The following PRKDC variants were observed in gnomAD, a reference collection of about 807,000 sequenced individuals.
The protein encoded by PRKDC is DNA-dependent protein kinase catalytic subunit.
Under a neutral mutation model 486.9 loss-of-function variants are expected in PRKDC, and 82 were observed. The observed-to-expected ratio is 0.17, with a 90% CI of 0.14 to 0.20. The LOEUF is 0.20. PRKDC is among the 10% of genes least tolerant of loss of function. PRKDC has a pLI of 1.00. For synonymous variants in PRKDC, 1,895 were observed against 1,837.0 expected, an observed-to-expected ratio of 1.03 and a Z score of -0.81; for missense variants, 4,504 against 5,038.2, an observed-to-expected ratio of 0.89 and a Z score of 3.21.
At chr8:47,785,011 A>G in intron 77 of PRKDC, 102 bp downstream of exon 77, 1 of 1,128,578 alleles carries the variant, frequency 8.9e-7, no homozygotes, top group Non-Finnish European at 1.3e-6. Flanking sequence ...AAAAAGAAAT[A>G]ACTGTCAATA....
At chr8:47,842,317 A>G (rs898738205) in intron 54 of PRKDC, among the ~76,000 whole-genome samples, 3 of 152,294 alleles carry the variant, frequency 2.0e-5, no homozygotes, top group East Asian at 1.9e-4. Flanking sequence ...CTAAGAGTCT[A>G]TCTGCTAGCC....
At chr8:47,776,067 A>G (rs930656541) in intron 85 of PRKDC, among the ~76,000 whole-genome samples, 1 of 152,068 alleles carries the variant, frequency 6.6e-6, no homozygotes, top group African/African-American at 2.4e-5. Flanking sequence ...CAAGTGATCC[A>G]CTAGCCTTGG....
chr8:47,864,914 A>T (rs528800198), intron 40 of PRKDC, 151 bp from the exon 41 acceptor site: 1 of 622,184 alleles, frequency 1.6e-6, no homozygotes, highest in Non-Finnish European at 2.5e-6. Flanking sequence ...CACAAAACAC[A>T]AAAAGCATTT....
chr8:47,790,458 A>C (rs1477038058), intron 74 of PRKDC, among the ~76,000 whole-genome samples: 5 of 152,236 alleles, frequency 3.3e-5, no homozygotes, highest in African/African-American at 9.6e-5. Context: ...GGAAGAATCA[A>C]TACTGTTAAA....
chr8:47,908,834 G>A (rs1186817033), intron 25 of PRKDC, among the ~76,000 whole-genome samples: 1 of 152,144 alleles, frequency 6.6e-6, no homozygotes, highest in Non-Finnish European at 1.5e-5. Flanking sequence ...ACATTTTTCT[G>A]TAATTTATTT....
In PRKDC at chr8:47,935,741, T is replaced by A. The variant is rs375429075; in HGVS notation, c.1438A>T (p.Ser480Cys). Residue 480 changes from serine (S) to cysteine (C), a missense_variant, in exon 13 of 86, where the codon AGT (serine) becomes TGT (cysteine). This residue lies in a region of PRKDC where 1,969 missense variants were observed against 2,068.9 expected (regional missense o/e 0.95). Transcript: ENST00000314191. ...TAAATTGCAAACTTACCCACAGTACTAATGCAATTCCTGAGAACTGGCCCT... is the reference window on the plus strand; with the variant it reads ...TAAATTGCAAACTTACCCACAGTACAAATGCAATTCCTGAGAACTGGCCCT... ...AKGPVLRNCI[S>C]TVVHQGLIRI... 13 of 1,613,842 alleles carry A rather than the reference T, an allele frequency of 8.1e-6. No homozygotes were observed. In the African/African-American group the frequency reaches 1.3e-4, roughly 17 times the overall value.
At chr8:47,819,065 G>T (rs964742949) in intron 67 of PRKDC, among the ~76,000 whole-genome samples, 1 of 152,150 alleles carries the variant, frequency 6.6e-6, no homozygotes, top group African/African-American at 2.4e-5. Flanking sequence ...CCACTGCTCA[G>T]GACCCTCCTC....
intron 40 of PRKDC, among the ~76,000 whole-genome samples, chr8:47,868,184 G>A (rs747995202): frequency 3.3e-5 from 5 of 151,954 alleles, no homozygotes; most frequent in Non-Finnish European, 5.9e-5. Context: ...CTTGTTACTC[G>A]CCTCACAAAA....
At chr8:47,921,915 G>A (rs1236247494) in intron 21 of PRKDC, among the ~76,000 whole-genome samples, 1 of 151,704 alleles carries the variant, frequency 6.6e-6, no homozygotes, top group East Asian at 1.9e-4. Context: ...CGAGTAGCCG[G>A]GATTACAGGT....
At chr8:47,776,731 G>A in intron 85 of PRKDC, 113 bp downstream of exon 85, 1 of 1,350,284 alleles carries the variant, frequency 7.4e-7, no homozygotes, top group Non-Finnish European at 1.0e-6. Flanking sequence ...TGAAAGCAGA[G>A]AAGTCATGCT....
chr8:47,777,766 G>A lies in PRKDC; in HGVS notation c.11962C>T (p.Leu3988Phe), dbSNP rs750353844. Residue 3988 changes from leucine (L) to phenylalanine (F), a missense_variant, in exon 84 of 86, where the codon CTC becomes TTC. Around this residue, in one of 6 missense-constraint regions of PRKDC, gnomAD observed 706 missense variants for 945.0 expected, o/e 0.75. Transcript: ENST00000314191. ...CCAGGGTCTGAGCGGAAGGCCCGGA[G>A]TGCGTGTACCATGATGCTGTACATA... ...GLMYSIMVHALRAFRSDPGLL... is the reference protein window; with the variant it reads ...GLMYSIMVHAFRAFRSDPGLL... The A allele has an allele frequency of 6.2e-7, 1 of 1,613,988 alleles. No individual in the cohort carries two copies. Among genetic ancestry groups the A allele is most frequent in the Non-Finnish European group, 8.5e-7 (1 of 1,179,872 alleles).
chr8:47,921,589 G>A (rs982710090), intron 21 of PRKDC, among the ~76,000 whole-genome samples: 7 of 152,152 alleles, frequency 4.6e-5, no homozygotes, highest in Admixed American at 3.9e-4. Context: ...ACAGGCACGT[G>A]CATGCTGTCT....
intron 41 of PRKDC, 99 bp downstream of exon 41, chr8:47,864,457 T>TG: frequency 1.8e-6 from 2 of 1,110,336 alleles, no homozygotes; most frequent in Non-Finnish European, 2.6e-6. Context: ...GCACACTCCT[T>TG]GAACAGCAGA....
At chr8:47,883,620 T>C (rs577037360) in intron 36 of PRKDC, among the ~76,000 whole-genome samples, 1 of 152,388 alleles carries the variant, frequency 6.6e-6, no homozygotes, top group African/African-American at 2.4e-5. Flanking sequence ...CTACTCTCTG[T>C]GAGAGTTACT....
At chr8:47,818,860 C>T (rs1032440519) in intron 67 of PRKDC, among the ~76,000 whole-genome samples, 6 of 152,198 alleles carry the variant, frequency 3.9e-5, no homozygotes, top group Admixed American at 3.3e-4. Context: ...AAGATGTACT[C>T]TTCCCCTTAG....
chr8:47,851,584 T>C (rs1319238392), intron 52 of PRKDC, among the ~76,000 whole-genome samples: 1 of 152,256 alleles, frequency 6.6e-6, no homozygotes, highest in East Asian at 1.9e-4. Context: ...CAACAGTGAC[T>C]ATGGCCTGGA....
intron 21 of PRKDC, among the ~76,000 whole-genome samples, chr8:47,922,342 C>T (rs1263697931): frequency 2.0e-5 from 3 of 151,960 alleles, no homozygotes; most frequent in African/African-American, 7.3e-5. Flanking sequence ...TGCAGTGGTG[C>T]GCACCTGTAA....
intron 25 of PRKDC, 47 bp downstream of exon 25, chr8:47,912,363 C>A (rs2089918439): frequency 2.0e-6 from 3 of 1,470,312 alleles, no homozygotes; most frequent in African/African-American, 1.4e-5. Context: ...ATTAGACAAA[C>A]CAAACTTTTA....
At chr8:47,836,202 A>T (rs1025007503) in intron 58 of PRKDC, 136 bp downstream of exon 58, 12 of 886,544 alleles carry the variant, frequency 1.4e-5, no homozygotes, top group South Asian at 4.3e-5. Context: ...CTTTTGAATG[A>T]CATCTTCCTT....
Sources: gnomAD v4.1 joint callset for allele counts (sites outside exome capture counted in the v4.1 genomes callset) on GRCh38, gnomAD v4.1.1 for gene constraint, gnomAD v4.1.1 regional missense constraint, MANE v1.5 for transcripts, NCBI Gene and HGNC (gene_info 2026-07-23, HGNC 2026-07-21) for gene names.